Variants in CCBE1 observed in about 807,000 individuals in gnomAD.
CCBE1 encodes collagen and calcium binding EGF domains 1.
Under a neutral mutation model 50.0 loss-of-function variants are expected in CCBE1, and 37 were observed. The ratio of observed to expected loss-of-function variants is 0.74; its 90% CI spans 0.57 to 0.97. The LOEUF (loss-of-function observed/expected upper bound fraction) is 0.97, where lower values mean the gene tolerates loss of function less well. Ranked by LOEUF, CCBE1 falls within the 50% of genes least tolerant of loss-of-function variation. The pLI is 0.00. For synonymous variants in CCBE1, 234 were observed against 203.7 expected (o/e 1.15, Z -1.27); for missense variants, 538 against 523.8 (o/e 1.03, Z -0.26).
At chr18:59,542,094 A>G (rs1157041930) in intron 2 of CCBE1, among the ~76,000 whole-genome samples, 1 of 150,984 alleles carries the variant, frequency 6.6e-6, no homozygotes, top group Non-Finnish European at 1.5e-5. Context: ...GGATCACCTG[A>G]GCCCAGGAGG....
At chr18:59,583,929 G>T (rs2053134246) in intron 2 of CCBE1, among the ~76,000 whole-genome samples, 1 of 152,128 alleles carries the variant, frequency 6.6e-6, no homozygotes, top group Admixed American at 6.5e-5. Flanking sequence ...AACCATTGTG[G>T]AAGTCAGTGT....
intron 2 of CCBE1, among the ~76,000 whole-genome samples, chr18:59,544,738 A>G (rs1444903091): frequency 6.6e-6 from 1 of 152,222 alleles, no homozygotes. Context: ...GGGCATTTTA[A>G]AAGGGCTGGT....
At chr18:59,464,925 A>G (rs948023117) in intron 5 of CCBE1, 8 of 152,494 alleles carry the variant, frequency 5.2e-5, no homozygotes, top group Non-Finnish European at 8.8e-5. Flanking sequence ...AGGCCCAGCC[A>G]ACCTCTCCCG....
intron 2 of CCBE1, among the ~76,000 whole-genome samples, chr18:59,539,281 T>C (rs1361929814): frequency 6.6e-6 from 1 of 151,996 alleles, no homozygotes; most frequent in Non-Finnish European, 1.5e-5. Flanking sequence ...CCTTGTGGCT[T>C]GCATGCTTCG....
intron 2 of CCBE1, among the ~76,000 whole-genome samples, chr18:59,619,776 A>T (rs555647164): frequency 1.4e-4 from 22 of 152,148 alleles, no homozygotes; most frequent in African/African-American, 5.3e-4. Context: ...AAACTCAGTG[A>T]TTTTTTTTAA....
chr18:59,548,372 A>G (rs547943180), intron 2 of CCBE1, among the ~76,000 whole-genome samples: 2 of 152,356 alleles, frequency 1.3e-5, no homozygotes, highest in East Asian at 3.9e-4. Context: ...TATCTAAAGG[A>G]AAACTTAAGA....
At chr18:59,515,612 A>G (rs763151710) in intron 2 of CCBE1, among the ~76,000 whole-genome samples, 6 of 152,218 alleles carry the variant, frequency 3.9e-5, no homozygotes, top group Non-Finnish European at 8.8e-5. Flanking sequence ...AATTAATTAA[A>G]TAGTAAGAAA....
At chr18:59,482,605 A>G (rs1014722961) in intron 2 of CCBE1, among the ~76,000 whole-genome samples, 9 of 152,212 alleles carry the variant, frequency 5.9e-5, no homozygotes, top group African/African-American at 1.9e-4. Context: ...TGTAGTTGCA[A>G]TAAATATGAC....
At chr18:59,560,763 C>T (rs781671902) in intron 2 of CCBE1, among the ~76,000 whole-genome samples, 2 of 152,168 alleles carry the variant, frequency 1.3e-5, no homozygotes, top group Non-Finnish European at 1.5e-5. Context: ...ACAGTTGTCA[C>T]GTGGACAACT....
chr18:59,603,137 G>T (rs931035723), intron 2 of CCBE1, among the ~76,000 whole-genome samples: 1 of 152,206 alleles, frequency 6.6e-6, no homozygotes, highest in Admixed American at 6.5e-5. Context: ...AATCCAGTGT[G>T]TGTATCCGCC....
chr18:59,520,608 G>A (rs1337082392), intron 2 of CCBE1, among the ~76,000 whole-genome samples: 1 of 152,236 alleles, frequency 6.6e-6, no homozygotes, highest in Admixed American at 6.5e-5. Context: ...ACATGCTCAT[G>A]TGCGCCTGCA....
intron 3 of CCBE1, among the ~76,000 whole-genome samples, chr18:59,479,929 C>A (rs1193859992): frequency 6.6e-6 from 1 of 152,204 alleles, no homozygotes; most frequent in Non-Finnish European, 1.5e-5. Context: ...GGGATTATAG[C>A]TCATTAATCA....
At chr18:59,563,337 G>C (rs768668690) in intron 2 of CCBE1, among the ~76,000 whole-genome samples, 3 of 152,182 alleles carry the variant, frequency 2.0e-5, no homozygotes, top group Non-Finnish European at 4.4e-5. Flanking sequence ...AATACTATTT[G>C]TTTGCTACTT....
chr18:59,517,243 C>T (rs1322851193), intron 2 of CCBE1, among the ~76,000 whole-genome samples: 1 of 152,222 alleles, frequency 6.6e-6, no homozygotes, highest in Admixed American at 6.5e-5. Flanking sequence ...AACAGGGCAT[C>T]AAACTGGCTT....
At chr18:59,696,400 C>A in intron 2 of CCBE1, 1 of 1,147,398 alleles carries the variant, frequency 8.7e-7, no homozygotes, top group South Asian at 1.6e-5. Flanking sequence ...CAACCATCCT[C>A]AGGATCTCAG....
intron 2 of CCBE1, among the ~76,000 whole-genome samples, chr18:59,517,440 T>C (rs952547941): frequency 6.6e-6 from 1 of 152,200 alleles, no homozygotes; most frequent in African/African-American, 2.4e-5. Flanking sequence ...ATGATGGCAA[T>C]TTTGGCTCTG....
At chr18:59,685,460 C>T (rs996051506) in intron 2 of CCBE1, among the ~76,000 whole-genome samples, 1 of 152,190 alleles carries the variant, frequency 6.6e-6, no homozygotes, top group Non-Finnish European at 1.5e-5. Flanking sequence ...CACAAGAGAC[C>T]CTGGCTTAGT....
intron 2 of CCBE1, among the ~76,000 whole-genome samples, chr18:59,648,490 A>G (rs2054084904): frequency 6.6e-6 from 1 of 152,140 alleles, no homozygotes; most frequent in African/African-American, 2.4e-5. Flanking sequence ...GGATCACTTG[A>G]GCGCAGGAGT....
chr18:59,602,183 G>T (rs1479114633), intron 2 of CCBE1, among the ~76,000 whole-genome samples: 1 of 151,198 alleles, frequency 6.6e-6, no homozygotes, highest in Non-Finnish European at 1.5e-5. Context: ...GAAAACGTAG[G>T]AAAAATGCAA....
Sources: gnomAD v4.1 joint callset for allele counts (sites outside exome capture counted in the v4.1 genomes callset) on GRCh38, gnomAD v4.1.1 for gene constraint, MANE v1.5 for transcripts, NCBI Gene and HGNC (gene_info 2026-07-23, HGNC 2026-07-21) for gene names.